The following ZNF585A variants were observed in gnomAD, a reference collection of about 807,000 sequenced individuals.
The protein encoded by ZNF585A is zinc finger protein 585A.
In ZNF585A, 9 loss-of-function variants were observed where a neutral mutation model predicts 14.9. The observed-to-expected ratio is 0.60, with a 90% CI of 0.36 to 1.05. The LOEUF (loss-of-function observed/expected upper bound fraction) is 1.05. ZNF585A is among the 50% of genes least tolerant of loss of function. ZNF585A has a pLI of 0.01. For missense variants in ZNF585A, 726 were observed against 926.4 expected (o/e 0.78, Z 2.81); for synonymous variants, 276 against 319.9 (o/e 0.86, Z 1.46).
chr19:37,165,742 T>TA, intron 2 of ZNF585A: 1 of 739,538 alleles, frequency 1.4e-6, no homozygotes, highest in Non-Finnish European at 1.7e-6. Context: ...TTGAGAATAA[T>TA]TTTAAATATT....
intron 2 of ZNF585A, among the ~76,000 whole-genome samples, chr19:37,167,562 C>T (rs767679377): frequency 8.6e-5 from 13 of 151,710 alleles, no homozygotes; most frequent in East Asian, 1.9e-4. Flanking sequence ...AGTACATTCA[C>T]GTTGTGTAAG....
rs1971956744 is a variant in ZNF585A, at chr19:37,157,966, G to A, written c.73-1611C>T. On this transcript the variant is annotated intron_variant, in intron 2 of 4. Coordinates refer to ENST00000292841, the MANE Select transcript of ZNF585A (RefSeq NM_001288800.2). The stretch of plus-strand genomic sequence containing the variant: ...TGCAGTGGTGCGATCTCGGCTCACC[G>A]CAACCTCCACCTCCCGGATTCAAGC... Among the ~76,000 whole-genome samples, 4 of 147,582 alleles carry A rather than the reference G, an allele frequency of 2.7e-5. No homozygotes were observed. In the South Asian group the frequency reaches 6.5e-4, roughly 24 times the overall value.
chr19:37,153,234 C>A lies in ZNF585A; in HGVS notation c.665G>T (p.Gly222Val). The change falls in exon 5 of 5, where the codon GGC becomes GTC. Residue 222 changes from glycine to valine, a missense_variant. Physicochemically the swap from Gly to Val is moderately radical, Grantham distance 109. This residue lies in a region of ZNF585A where 483 missense variants were observed against 542.8 expected (regional missense o/e 0.89). Transcript: ENST00000292841. The part of the protein sequence containing the change: ...KLYECSQCGK[G>V]FSYNSDLSIH... ...ACTGAGATCTGAGTTATAAGAGAAG[C>A]CTTTCCCACACTGGCTGCATTCATA... is the stretch of plus-strand genomic sequence containing the variant. The A allele has an allele frequency of 2.5e-6, 4 of 1,614,158 alleles. No homozygotes were observed. Among genetic ancestry groups the A allele is most frequent in the Non-Finnish European group, 3.4e-6 (4 of 1,180,024 alleles).
In ZNF585A at chr19:37,151,262, C is replaced by T; in HGVS notation, c.*327G>A. The stretch of plus-strand genomic sequence containing the variant: ...CCTAATCCACAGTAAACAGGATTAT[C>T]GTTAACTTAATACGATCTTTCTTAG... On this transcript the variant is annotated 3_prime_UTR_variant, in exon 5 of 5. Coordinates refer to ENST00000292841, the MANE Select transcript of ZNF585A (RefSeq NM_001288800.2). The T allele has an allele frequency of 4.5e-6, 2 of 441,900 alleles. No homozygotes were observed. The highest frequency in any genetic ancestry group is 8.0e-6 in the Non-Finnish European group (2 of 251,436). 27.4% of individuals were successfully genotyped at this position (441,900 alleles called of 1,614,324 possible).
rs895837868 is a variant in ZNF585A at position 37,151,066 on chromosome 19, G to C, written c.*523C>G. 3 of 300,528 alleles carry C rather than the reference G, an allele frequency of 1.0e-5. No individual in the cohort carries two copies. Among genetic ancestry groups the C allele is most frequent in the African/African-American group, 4.3e-5 (2 of 46,196 alleles). 18.6% of individuals were successfully genotyped at this position (300,528 alleles called of 1,614,324 possible). A position where few individuals can be genotyped will look rare whatever the true frequency, so the allele number is the denominator to read the frequency against. On this transcript the variant is annotated 3_prime_UTR_variant, in exon 5 of 5. Coordinates refer to ENST00000292841, the MANE Select transcript of ZNF585A (RefSeq NM_001288800.2). Reference sequence around the variant, plus strand: ...GCATCTCTTTCTTGATAGAAATACTGAATGAGGGTTGGATATGACCAACTG... The same window carrying C: ...GCATCTCTTTCTTGATAGAAATACTCAATGAGGGTTGGATATGACCAACTG...
At chr19:37,168,161 C>T (rs1370404626) in intron 2 of ZNF585A, among the ~76,000 whole-genome samples, 2 of 152,200 alleles carry the variant, frequency 1.3e-5, no homozygotes, top group East Asian at 1.9e-4. Flanking sequence ...GAACCATCCT[C>T]TTCATCCCTT....
At chr19:37,164,503 A>AAATGAG (rs1972058556) in intron 2 of ZNF585A, among the ~76,000 whole-genome samples, 1 of 152,188 alleles carries the variant, frequency 6.6e-6, no homozygotes, top group Non-Finnish European at 1.5e-5. Context: ...AAGTAGAAAA[A>AAATGAG]AATGAGTAAT....
chr19:37,151,411 T>TAGGAA lies in ZNF585A; in HGVS notation c.*173_*177dup, dbSNP rs1219356123. ...AGGTTTACTGGGGATGGTGACAATG[T>TAGGAA]AGGAAGGGTCCCTCGCCTCATTCAG... On this transcript the variant is annotated 3_prime_UTR_variant, in exon 5 of 5. Coordinates refer to ENST00000292841, the MANE Select transcript of ZNF585A (RefSeq NM_001288800.2). 15 of 558,702 alleles carry TAGGAA rather than the reference T, an allele frequency of 2.7e-5. No homozygotes were observed. The highest frequency in any genetic ancestry group is 4.1e-5 in the Non-Finnish European group (13 of 317,418). 34.6% of individuals were successfully genotyped at this position (558,702 alleles called of 1,614,324 possible).
At chr19:37,167,867 T>C (rs1245556930) in intron 2 of ZNF585A, among the ~76,000 whole-genome samples, 2 of 152,258 alleles carry the variant, frequency 1.3e-5, no homozygotes, top group East Asian at 3.9e-4. Context: ...CCTGACCTTG[T>C]GATCCACCCG....
intron 2 of ZNF585A, among the ~76,000 whole-genome samples, chr19:37,166,792 T>C (rs1423588868): frequency 1.3e-5 from 2 of 152,004 alleles, no homozygotes; most frequent in Non-Finnish European, 2.9e-5. Flanking sequence ...ATTAAATCTA[T>C]AGTTTTTCCC....
chr19:37,167,138 A>C (rs1175232561), intron 2 of ZNF585A, among the ~76,000 whole-genome samples: 1 of 151,914 alleles, frequency 6.6e-6, no homozygotes, highest in Admixed American at 6.6e-5. Flanking sequence ...CCAGCCTACC[A>C]CACAAACTTT....
At chr19:37,155,998 G>A in intron 3 of ZNF585A, 41 bp from the exon 4 acceptor site, 1 of 1,611,774 alleles carries the variant, frequency 6.2e-7, no homozygotes, top group Non-Finnish European at 8.5e-7. Context: ...CCAGCTAATT[G>A]TGTTTCAGGG....
rs1355956468 is a variant in ZNF585A at position 37,150,210 on chromosome 19, A to T, written c.*1379T>A. The T allele has an allele frequency of 6.6e-6, 1 of 152,198 alleles. No individual in the cohort carries two copies. Among genetic ancestry groups the T allele is most frequent in the Non-Finnish European group, 1.5e-5 (1 of 68,066 alleles). 9.4% of individuals were successfully genotyped at this position (152,198 alleles called of 1,614,324 possible). A position where few individuals can be genotyped will look rare whatever the true frequency, so the allele number is the denominator to read the frequency against. On this transcript the variant is annotated 3_prime_UTR_variant, in exon 5 of 5. Transcript: ENST00000292841. Reference sequence around the variant, plus strand: ...CCGCCATTGCCTGAGGGGAAGGAAGAAAGTTAACAGCATCCACCGTATTGA... The same window carrying T: ...CCGCCATTGCCTGAGGGGAAGGAAGTAAGTTAACAGCATCCACCGTATTGA...
chr19:37,150,543 G>A lies in ZNF585A; in HGVS notation c.*1046C>T, dbSNP rs1971810625. On this transcript the variant is annotated 3_prime_UTR_variant, in exon 5 of 5. Coordinates refer to ENST00000292841, the MANE Select transcript of ZNF585A (RefSeq NM_001288800.2). The stretch of plus-strand genomic sequence containing the variant: ...GAGGTGATTGTAAAAGAGGTAATGA[G>A]GAGATCTCCAGAAACTGTTTCCGGA... The A allele has an allele frequency of 6.6e-6, 1 of 152,116 alleles. No homozygotes were observed. Among genetic ancestry groups the A allele is most frequent in the Non-Finnish European group, 1.5e-5 (1 of 68,038 alleles). The allele number at this position is 152,116 out of a possible 1,614,324, so 9.4% of individuals were successfully genotyped here. A position where few individuals can be genotyped will look rare whatever the true frequency, so the allele number is the denominator to read the frequency against.
chr19:37,161,659 C>T (rs149317972), intron 2 of ZNF585A, among the ~76,000 whole-genome samples: 27 of 152,290 alleles, frequency 1.8e-4, no homozygotes, highest in African/African-American at 5.5e-4. Flanking sequence ...CCTTTTCCTC[C>T]TACTCCTCAG....
Position 37,155,888 on chromosome 19 carries a change from T to C in ZNF585A, c.269A>G (p.Glu90Gly), listed in dbSNP as rs1309703032. ...QGKEPWALQG[E>G]RPRQSCPGEK... Reference sequence around the variant, plus strand: ...ACCTGGGCAGCTCTGACGTGGCCTCTCACCCTGCAGTGCCCATGGTTCCTT... The same window carrying C: ...ACCTGGGCAGCTCTGACGTGGCCTCCCACCCTGCAGTGCCCATGGTTCCTT... The change falls in exon 4 of 5, where the codon GAG becomes GGG. Residue 90 changes from glutamate (E) to glycine (G), a missense_variant. Glu to Gly is a moderately conservative substitution (Grantham distance 98, BLOSUM62 -2). Transcript: ENST00000292841. The C allele has an allele frequency of 6.2e-7, 1 of 1,612,338 alleles. No individual in the cohort carries two copies. The highest frequency in any genetic ancestry group is 2.2e-5 in the East Asian group (1 of 44,872).
rs751295443 is a variant in ZNF585A at position 37,153,539 on chromosome 19, A to G, written c.360T>C (p.Pro120=). Reference sequence around the variant, plus strand: ...CTTTCTCCCCAGGATACATTTTTTGAGGTTGAGAGGATACTTGTTTATAAC... The same window carrying G: ...CTTTCTCCCCAGGATACATTTTTTGGGGTTGAGAGGATACTTGTTTATAAC... The part of the protein sequence containing the change: ...ILSYKQVSSQ[P]QKMYPGEKAY... The change falls in exon 5 of 5, where the codon CCT becomes CCC. Residue 120 remains proline (P), a synonymous_variant. Transcript: ENST00000292841. The G allele has an allele frequency of 6.2e-7, 1 of 1,613,998 alleles. No homozygotes were observed. Among genetic ancestry groups the G allele is most frequent in the Non-Finnish European group, 8.5e-7 (1 of 1,179,998 alleles).
At position 37,150,168 on chromosome 19, in the gene ZNF585A, T is replaced by C. The variant is rs1971804044; in HGVS notation, c.*1421A>G. ...ATACAGTTGGGAAATGTGGACATTA[T>C]GGTTCATTGTAAGTCACCGCCATTG... is the stretch of plus-strand genomic sequence containing the variant. On this transcript the variant is annotated 3_prime_UTR_variant, in exon 5 of 5. Transcript: ENST00000292841. 1 of 152,012 alleles carries C rather than the reference T, an allele frequency of 6.6e-6. No homozygotes were observed. The allele number at this position is 152,012 out of a possible 1,614,324, so 9.4% of individuals were successfully genotyped here. A position where few individuals can be genotyped will look rare whatever the true frequency, so the allele number is the denominator to read the frequency against.
In ZNF585A at chr19:37,166,316, C is replaced by CTT. The variant is rs112585283; in HGVS notation, c.72+3521_72+3522dup. On this transcript the variant is annotated intron_variant, in intron 2 of 4. Coordinates refer to ENST00000292841, the MANE Select transcript of ZNF585A (RefSeq NM_001288800.2). Reference sequence around the variant, plus strand: ...GGTGTGAGCCACCATGCTGCCCAGTCTTTTTTTTTTTTTTTGAGACAGAGT... The same window carrying CTT: ...GGTGTGAGCCACCATGCTGCCCAGTCTTTTTTTTTTTTTTTTTGAGACAGAGT... 9.4e-3 allele frequency among the ~76,000 whole-genome samples: 1,192 copies of CTT among 127,208 alleles called. 23 individuals are homozygous for CTT. Among genetic ancestry groups the CTT allele is most frequent in the African/African-American group, 0.03 (1,073 of 35,398 alleles). The allele number at this position is 127,208 out of a possible 152,430, so 83.5% of individuals were successfully genotyped here.
Sources: gnomAD v4.1 joint callset for allele counts (sites outside exome capture counted in the v4.1 genomes callset) on GRCh38, gnomAD v4.1.1 for gene constraint, gnomAD v4.1.1 regional missense constraint, MANE v1.5 for transcripts, NCBI Gene and HGNC (gene_info 2026-07-23, HGNC 2026-07-21) for gene names.